ARFIP1: variants seen among roughly 807,000 people sequenced by gnomAD.
ARFIP1 encodes the protein arfaptin-1.
A neutral mutation model predicts 42.5 loss-of-function variants in ARFIP1; 24 were observed. The observed-to-expected ratio is 0.57, with a 90% confidence interval of 0.41 to 0.80. The LOEUF (loss-of-function observed/expected upper bound fraction) is 0.80. ARFIP1 is among the 30% of genes least tolerant of loss of function. ARFIP1 has a pLI of 0.00. For missense variants in ARFIP1, 354 were observed against 434.0 expected, an observed-to-expected ratio of 0.82 and a Z score of 1.64; for synonymous variants, 141 against 153.7, an observed-to-expected ratio of 0.92 and a Z score of 0.61.
At chr4:152,893,992 C>T (rs1267794275) in intron 8 of ARFIP1, among the ~76,000 whole-genome samples, 2 of 151,672 alleles carry the variant, frequency 1.3e-5, no homozygotes, top group East Asian at 1.9e-4. Context: ...CCGAGGTGGA[C>T]GGATCACTTG....
intron 8 of ARFIP1, among the ~76,000 whole-genome samples, chr4:152,904,358 A>T (rs1337085603): frequency 6.6e-6 from 1 of 151,150 alleles, no homozygotes; most frequent in Non-Finnish European, 1.5e-5. Context: ...CGCCCGGCTC[A>T]TTTTTCGTAT....
chr4:152,833,259 T>C (rs967589700), intron 2 of ARFIP1, among the ~76,000 whole-genome samples: 1 of 140,272 alleles, frequency 7.1e-6, no homozygotes, highest in African/African-American at 2.6e-5. Context: ...AAAAAAAAAG[T>C]ACAAATGGCC....
intron 1 of ARFIP1, among the ~76,000 whole-genome samples, chr4:152,803,875 A>G (rs991731360): frequency 1.3e-5 from 2 of 150,478 alleles, no homozygotes; most frequent in Non-Finnish European, 2.9e-5. Context: ...TGCTCATGAT[A>G]ATATGGAGAT....
intron 2 of ARFIP1, among the ~76,000 whole-genome samples, chr4:152,843,532 T>C (rs1267189950): frequency 6.6e-6 from 1 of 151,974 alleles, no homozygotes; most frequent in Non-Finnish European, 1.5e-5. Flanking sequence ...GGAGGGACCA[T>C]CAGGTAGGGG....
At chr4:152,902,328 C>G (rs1737907200) in intron 8 of ARFIP1, among the ~76,000 whole-genome samples, 1 of 152,098 alleles carries the variant, frequency 6.6e-6, no homozygotes, top group Non-Finnish European at 1.5e-5. Context: ...ATAGAGAGAC[C>G]CGGTCTCTAC....
At chr4:152,783,124 CATGG>C (rs1730601166) in intron 1 of ARFIP1, among the ~76,000 whole-genome samples, 1 of 152,064 alleles carries the variant, frequency 6.6e-6, no homozygotes, top group Admixed American at 6.5e-5. Flanking sequence ...ACCTGGCCAA[CATGG>C]TGAAACCCCA....
chr4:152,821,931 A>G (rs914634217), intron 1 of ARFIP1, among the ~76,000 whole-genome samples: 2 of 152,216 alleles, frequency 1.3e-5, no homozygotes, highest in African/African-American at 2.4e-5. Flanking sequence ...GAATTTGTCA[A>G]TACTAGACTA....
intron 8 of ARFIP1, among the ~76,000 whole-genome samples, chr4:152,899,132 C>T (rs1404321571): frequency 6.6e-6 from 1 of 152,130 alleles, no homozygotes; most frequent in African/African-American, 2.4e-5. Flanking sequence ...TGATTCCCTC[C>T]ACCCCCTCCA....
chr4:152,791,980 T>G (rs961545161), intron 1 of ARFIP1, among the ~76,000 whole-genome samples: 1 of 152,188 alleles, frequency 6.6e-6, no homozygotes, highest in Admixed American at 6.5e-5. Flanking sequence ...CTTACCATTC[T>G]GTTCCTGTTT....
intron 8 of ARFIP1, among the ~76,000 whole-genome samples, chr4:152,904,198 A>ATATTT (rs36085096): frequency 7.4e-4 from 94 of 126,674 alleles, no homozygotes; most frequent in East Asian, 7.2e-3. Flanking sequence ...ATATATATAT[A>ATATTT]TTTTTTTTTT....
At chr4:152,905,212 G>C (rs1429326800) in intron 8 of ARFIP1, among the ~76,000 whole-genome samples, 2 of 152,226 alleles carry the variant, frequency 1.3e-5, no homozygotes, top group East Asian at 3.8e-4. Flanking sequence ...ATACCTAGGA[G>C]TGGAATAATT....
At position 152,863,681 on chromosome 4, in the gene ARFIP1, A is replaced by C. The variant is rs1211383159; in HGVS notation, c.169A>C (p.Lys57Gln). 6.2e-7 allele frequency: 1 copy of C among 1,609,892 alleles called. No individual in the cohort carries two copies. The highest frequency in any genetic ancestry group is 1.3e-5 in the African/African-American group (1 of 74,802). ...TACATCTCATGGCTTTGACAATACC[A>C]AAGAGGGTGTTATTGAAGCAGGAGC... ...QITSHGFDNT[K>Q]EGVIEAGAFQ... Residue 57 changes from lysine to glutamine, a missense_variant, in exon 3 of 9, where the codon AAA (lysine) becomes CAA (glutamine). Physicochemically the swap from Lys to Gln is moderately conservative, Grantham distance 53. Coordinates refer to ENST00000353617, the MANE Select transcript of ARFIP1 (RefSeq NM_001025595.3).
At chr4:152,832,085 T>C (rs750119493) in intron 2 of ARFIP1, among the ~76,000 whole-genome samples, 10 of 152,208 alleles carry the variant, frequency 6.6e-5, no homozygotes, top group Non-Finnish European at 1.3e-4. Context: ...GTGACCATTC[T>C]TGTGCAGATT....
Position 152,888,312 on chromosome 4 carries a change from A to G in ARFIP1, c.966+5A>G. 6.3e-7 allele frequency: 1 copy of G among 1,584,382 alleles called. No homozygotes were observed. Among genetic ancestry groups the G allele is most frequent in the Non-Finnish European group, 8.6e-7 (1 of 1,162,476 alleles). ...AAATTTCTAGAAGAAAATAAGGTAA[A>G]TTCTTTACCTTCTAAGGTCTTTCTG... is the stretch of plus-strand genomic sequence containing the variant. On this transcript the variant is annotated splice_donor_5th_base_variant and intron_variant, in intron 8 of 8. Transcript: ENST00000353617.
At chr4:152,881,643 C>T (rs917230840) in intron 6 of ARFIP1, among the ~76,000 whole-genome samples, 4 of 152,104 alleles carry the variant, frequency 2.6e-5, no homozygotes, top group African/African-American at 9.7e-5. Flanking sequence ...TTTTTACATG[C>T]ATTGATTGGT....
Position 152,881,162 on chromosome 4 carries a change from G to T in ARFIP1, c.611G>T (p.Ser204Ile), listed in dbSNP as rs1186110521. 1 of 1,611,964 alleles carries T rather than the reference G, an allele frequency of 6.2e-7. No individual in the cohort carries two copies. Among genetic ancestry groups the T allele is most frequent in the Non-Finnish European group, 8.5e-7 (1 of 1,178,682 alleles). The change falls in exon 6 of 9, where the codon AGT (serine) becomes ATT (isoleucine). Residue 204 changes from serine (S) to isoleucine (I), a missense_variant. Coordinates refer to ENST00000353617, the MANE Select transcript of ARFIP1 (RefSeq NM_001025595.3). ...CTTGGAGATGCATTTGCTGACCTGA[G>T]TTTGAAGTCACTAGAACTTCATGTA... ...RQLGDAFADL[S>I]LKSLELHEEF...
intron 1 of ARFIP1, among the ~76,000 whole-genome samples, chr4:152,807,468 G>T (rs545040810): frequency 4.5e-4 from 68 of 152,150 alleles, no homozygotes; most frequent in Non-Finnish European, 9.4e-4. Flanking sequence ...TAGTGGTTAT[G>T]TAGTGGCATC....
intron 1 of ARFIP1, among the ~76,000 whole-genome samples, chr4:152,812,841 C>T (rs1183122597): frequency 6.6e-6 from 1 of 152,170 alleles, no homozygotes; most frequent in African/African-American, 2.4e-5. Context: ...CCTTCTTTTT[C>T]ATTTCCACAA....
intron 2 of ARFIP1, among the ~76,000 whole-genome samples, chr4:152,854,716 G>C (rs745585600): frequency 2.2e-4 from 34 of 152,132 alleles, no homozygotes; most frequent in Non-Finnish European, 4.4e-4. Flanking sequence ...AATTTCTTTG[G>C]CTGTATACAG....
Sources: gnomAD v4.1 joint callset for allele counts (sites outside exome capture counted in the v4.1 genomes callset) on GRCh38, gnomAD v4.1.1 for gene constraint, MANE v1.5 for transcripts, NCBI Gene and HGNC (gene_info 2026-07-23, HGNC 2026-07-21) for gene names.